ABCA13: variants seen among roughly 807,000 people sequenced by gnomAD.
ABCA13 encodes ATP-binding cassette sub-family A member 13.
Under a neutral mutation model 478.7 loss-of-function variants are expected in ABCA13, and 476 were observed. The observed-to-expected ratio is 0.99, with a 90% confidence interval of 0.92 to 1.07. The LOEUF (loss-of-function observed/expected upper bound fraction) is 1.07, where lower values mean the gene tolerates loss of function less well. ABCA13 is among the 50% of genes least tolerant of loss of function. The pLI is 0.00. For missense variants in ABCA13, 6,060 were observed against 5,910.6 expected (o/e 1.03, Z -0.83); for synonymous variants, 2,252 against 2,158.9 (o/e 1.04, Z -1.20).
chr7:48,470,503 G>GT (rs1233804801), intron 44 of ABCA13, among the ~76,000 whole-genome samples: 1 of 152,158 alleles, frequency 6.6e-6, no homozygotes, highest in Admixed American at 6.5e-5. Context: ...GATTAAATAC[G>GT]TAACTCTCTT....
chr7:48,607,902 GGACCGTCTC>G (rs1488097838), intron 58 of ABCA13, among the ~76,000 whole-genome samples: 1 of 151,692 alleles, frequency 6.6e-6, no homozygotes. Flanking sequence ...TTTTATTTTT[GGACCGTCTC>G]ATTCTGTTGC....
chr7:48,496,798 A>G (rs1830314146), intron 48 of ABCA13, among the ~76,000 whole-genome samples: 1 of 152,140 alleles, frequency 6.6e-6, no homozygotes, highest in African/African-American at 2.4e-5. Flanking sequence ...TTAGAAATCC[A>G]TTACTATTCT....
chr7:48,286,967 G>T (rs1006755929), intron 19 of ABCA13, among the ~76,000 whole-genome samples: 2 of 152,118 alleles, frequency 1.3e-5, no homozygotes, highest in Non-Finnish European at 1.5e-5. Context: ...CCTGTGCTAG[G>T]TGCCACAATG....
intron 42 of ABCA13, among the ~76,000 whole-genome samples, chr7:48,438,127 A>G (rs1823091822): frequency 6.6e-6 from 1 of 152,058 alleles, no homozygotes; most frequent in African/African-American, 2.4e-5. Context: ...AACAGACACT[A>G]GTCCTTTGGG....
chr7:48,581,177 T>A (rs747674790), intron 56 of ABCA13, among the ~76,000 whole-genome samples: 3 of 152,208 alleles, frequency 2.0e-5, no homozygotes, highest in Non-Finnish European at 4.4e-5. Context: ...AAGTGGCTTA[T>A]ATTATGCGTT....
chr7:48,312,353 A>G (rs1177750214), intron 24 of ABCA13, among the ~76,000 whole-genome samples: 1 of 152,218 alleles, frequency 6.6e-6, no homozygotes, highest in Non-Finnish European at 1.5e-5. Context: ...TTATTGAGCA[A>G]CTAATATTTC....
intron 50 of ABCA13, among the ~76,000 whole-genome samples, chr7:48,510,809 T>G (rs941019692): frequency 6.6e-6 from 1 of 152,048 alleles, no homozygotes; most frequent in Admixed American, 6.6e-5. Flanking sequence ...GCTCACCCAA[T>G]TGACTTCATT....
chr7:48,553,891 C>G (rs1785543464), intron 55 of ABCA13, among the ~76,000 whole-genome samples: 1 of 151,934 alleles, frequency 6.6e-6, no homozygotes, highest in African/African-American at 2.4e-5. Context: ...TTGCCCAGAC[C>G]AATGTCCTGG....
intron 8 of ABCA13, among the ~76,000 whole-genome samples, chr7:48,237,105 T>A (rs1172575586): frequency 6.8e-6 from 1 of 146,142 alleles, no homozygotes; most frequent in Non-Finnish European, 1.5e-5. Context: ...CACAAGGATG[T>A]GGAAAAATGC....
chr7:48,590,108 ACT>A (rs563261250), intron 57 of ABCA13, among the ~76,000 whole-genome samples: 89 of 151,352 alleles, frequency 5.9e-4, no homozygotes, highest in Non-Finnish European at 1.2e-3. Context: ...GCACCTTTCT[ACT>A]CTCTCTTCCT....
At chr7:48,596,531 C>T (rs1790295854) in intron 58 of ABCA13, among the ~76,000 whole-genome samples, 1 of 152,174 alleles carries the variant, frequency 6.6e-6, no homozygotes, top group Admixed American at 6.5e-5. Context: ...GCATTTGAGG[C>T]TAGGTGCCGT....
Position 48,249,329 on chromosome 7 carries a change from G to T in ABCA13, c.1983G>T (p.Glu661Asp). The T allele has an allele frequency of 6.2e-7, 1 of 1,613,250 alleles. No homozygotes were observed. The highest frequency in any genetic ancestry group is 8.5e-7 in the Non-Finnish European group (1 of 1,179,412). ...CEVAQYVNMQESFQNRLLAFP... is the reference protein window; with the variant it reads ...CEVAQYVNMQDSFQNRLLAFP... ...TGGCCCAATATGTAAATATGCAAGA[G>T]AGTTTCCAGAACAGACTATTGGGTA... is the stretch of plus-strand genomic sequence containing the variant. Residue 661 changes from glutamate to aspartate, a missense_variant, in exon 15 of 62, where the codon GAG becomes GAT. By Grantham distance (45) the Glu-to-Asp change is conservative. Transcript: ENST00000435803.
intron 50 of ABCA13, among the ~76,000 whole-genome samples, chr7:48,510,350 GAGA>G (rs1368125127): frequency 6.6e-6 from 1 of 152,196 alleles, no homozygotes; most frequent in Non-Finnish European, 1.5e-5. Context: ...GAGGCTCTAA[GAGA>G]AGAAGGAACC....
intron 42 of ABCA13, among the ~76,000 whole-genome samples, chr7:48,447,697 C>CATAG (rs1318801773): frequency 6.6e-6 from 1 of 152,172 alleles, no homozygotes; most frequent in Non-Finnish European, 1.5e-5. Flanking sequence ...GAAGGCAATA[C>CATAG]ATAGATAGGG....
At chr7:48,241,891 A>G (rs1179781528) in intron 10 of ABCA13, among the ~76,000 whole-genome samples, 1 of 152,128 alleles carries the variant, frequency 6.6e-6, no homozygotes, top group Non-Finnish European at 1.5e-5. Flanking sequence ...TGAAGGTCCT[A>G]TTTCCTAACT....
At chr7:48,251,688 AT>A (rs1239737776) in intron 15 of ABCA13, among the ~76,000 whole-genome samples, 1 of 151,492 alleles carries the variant, frequency 6.6e-6, no homozygotes, top group Non-Finnish European at 1.5e-5. Flanking sequence ...TTATTAATTT[AT>A]TTTTTATCTT....
chr7:48,619,611 G>A (rs979396013), intron 59 of ABCA13, among the ~76,000 whole-genome samples: 6 of 152,258 alleles, frequency 3.9e-5, no homozygotes, highest in South Asian at 2.1e-4. Flanking sequence ...GCACATGCCC[G>A]GTGACATCAC....
chr7:48,609,388 G>A (rs1212906458), intron 58 of ABCA13, among the ~76,000 whole-genome samples: 1 of 152,110 alleles, frequency 6.6e-6, no homozygotes, highest in Non-Finnish European at 1.5e-5. Context: ...GATGAAGAGT[G>A]GGGAAGCTTA....
At chr7:48,290,183 G>A (rs963045680) in intron 20 of ABCA13, among the ~76,000 whole-genome samples, 5 of 152,186 alleles carry the variant, frequency 3.3e-5, no homozygotes, top group African/African-American at 1.2e-4. Flanking sequence ...ATAAGGAAAT[G>A]AATGGGGCAG....
Sources: allele counts gnomAD v4.1 joint callset (sites outside exome capture counted in the v4.1 genomes callset), GRCh38; gene constraint gnomAD v4.1.1; transcripts MANE v1.5; gene names NCBI Gene and HGNC (gene_info 2026-07-23, HGNC 2026-07-21).